CNTNAP5: variants seen among roughly 807,000 people sequenced by gnomAD.
CNTNAP5 encodes the protein contactin associated protein family member 5.
CNTNAP5 carries 72 observed loss-of-function variants against 150.2 expected under a neutral mutation model. The observed-to-expected ratio is 0.48, with a 90% confidence interval of 0.40 to 0.58. CNTNAP5 has a LOEUF of 0.58. CNTNAP5 is among the 20% of genes least tolerant of loss of function. The pLI is 0.00. For synonymous variants in CNTNAP5, 672 were observed against 619.8 expected, an observed-to-expected ratio of 1.08 and a Z score of -1.25; for missense variants, 1,636 against 1,626.2, an observed-to-expected ratio of 1.01 and a Z score of -0.10.
intron 1 of CNTNAP5, among the ~76,000 whole-genome samples, chr2:124,211,919 C>T (rs181862113): frequency 2.8e-4 from 43 of 152,308 alleles, no homozygotes; most frequent in Non-Finnish European, 5.3e-4. Context: ...CGAGGATTTT[C>T]AGTGTAATTT....
chr2:124,055,256 A>C (rs188839586), intron 1 of CNTNAP5, among the ~76,000 whole-genome samples: 1 of 152,330 alleles, frequency 6.6e-6, no homozygotes, highest in Non-Finnish European at 1.5e-5. Context: ...CAAGAGATAA[A>C]GTCCAACTTC....
In CNTNAP5 at chr2:124,735,606, A is replaced by T. The variant is rs549989369; in HGVS notation, c.2078-11623A>T. Among the ~76,000 whole-genome samples the T allele has an allele frequency of 2.0e-5, 3 of 152,292 alleles. No homozygotes were observed. In the East Asian group the frequency reaches 5.8e-4, roughly 29 times the overall value. On this transcript the variant is annotated intron_variant, in intron 13 of 23. Transcript: ENST00000682447. The stretch of plus-strand genomic sequence containing the variant: ...TTTGATTTATACTATTTTAATATTG[A>T]TTCAAGAACAAGTGCTGTGAAAATA...
intron 13 of CNTNAP5, among the ~76,000 whole-genome samples, chr2:124,743,543 G>T (rs998058233): frequency 6.6e-6 from 1 of 152,112 alleles, no homozygotes; most frequent in African/African-American, 2.4e-5. Context: ...GGAGACAGGG[G>T]TTGCAGCTCA....
intron 1 of CNTNAP5, among the ~76,000 whole-genome samples, chr2:124,043,019 A>G (rs1408673052): frequency 6.6e-6 from 1 of 152,200 alleles, no homozygotes; most frequent in Non-Finnish European, 1.5e-5. Context: ...CTCCAGTCCA[A>G]TATTCAATTT....
intron 13 of CNTNAP5, among the ~76,000 whole-genome samples, chr2:124,715,506 G>T (rs1244813664): frequency 6.6e-6 from 1 of 152,034 alleles, no homozygotes; most frequent in Non-Finnish European, 1.5e-5. Context: ...AAAAAGGAGG[G>T]TGGAATTTTT....
intron 4 of CNTNAP5, among the ~76,000 whole-genome samples, chr2:124,431,075 A>G (rs1160950376): frequency 6.6e-6 from 1 of 152,174 alleles, no homozygotes; most frequent in African/African-American, 2.4e-5. Flanking sequence ...CCCAGGTAGT[A>G]AGGAGTAAAA....
intron 13 of CNTNAP5, among the ~76,000 whole-genome samples, chr2:124,708,090 T>C (rs1295603744): frequency 6.6e-6 from 1 of 152,224 alleles, no homozygotes; most frequent in Non-Finnish European, 1.5e-5. Context: ...ACTAGGCTTA[T>C]GATGTTCTTT....
In CNTNAP5 at chr2:124,609,925, G is replaced by T; in HGVS notation, c.1876+5G>T. The stretch of plus-strand genomic sequence containing the variant: ...AGGTGTACTGCAATATCACTGGTAA[G>T]GGTGCAGTAGCCCTACTCACACTTA... On this transcript the variant is annotated splice_donor_5th_base_variant and intron_variant, in intron 12 of 23. Transcript: ENST00000682447. 1 of 1,612,086 alleles carries T rather than the reference G, an allele frequency of 6.2e-7. No homozygotes were observed. The highest frequency in any genetic ancestry group is 8.5e-7 in the Non-Finnish European group (1 of 1,178,480).
rs551516030 is a variant in CNTNAP5 at position 124,868,351 on chromosome 2, G to A, written c.3349-1324G>A. Among the ~76,000 whole-genome samples, 139 of 152,096 alleles carry A rather than the reference G, an allele frequency of 9.1e-4. 1 individual carries two copies. Among genetic ancestry groups the A allele is most frequent in the African/African-American group, 3.3e-3 (136 of 41,500 alleles). ...CTTCTCTAACCTCATCTGATTATAT[G>A]CCCTCTGGAACTCTAGTTGTGCCAC... On this transcript the variant is annotated intron_variant, in intron 20 of 23. Transcript: ENST00000682447.
chr2:124,159,977 T>G (rs1227784775), intron 1 of CNTNAP5, among the ~76,000 whole-genome samples: 1 of 152,200 alleles, frequency 6.6e-6, no homozygotes, highest in Non-Finnish European at 1.5e-5. Context: ...TTACAGATAT[T>G]GTTTATCCTT....
At chr2:124,069,535 G>T (rs1682248441) in intron 1 of CNTNAP5, among the ~76,000 whole-genome samples, 1 of 152,038 alleles carries the variant, frequency 6.6e-6, no homozygotes, top group African/African-American at 2.4e-5. Flanking sequence ...GGACTCAAGT[G>T]AGACCCAGTG....
intron 10 of CNTNAP5, among the ~76,000 whole-genome samples, chr2:124,540,500 C>T (rs756027028): frequency 6.6e-6 from 1 of 152,152 alleles, no homozygotes; most frequent in African/African-American, 2.4e-5. Context: ...TCCTCTGTGA[C>T]CTAGTCATTC....
intron 10 of CNTNAP5, among the ~76,000 whole-genome samples, chr2:124,561,734 G>A (rs777894189): frequency 3.9e-4 from 60 of 152,162 alleles, no homozygotes; most frequent in Admixed American, 2.4e-3. Flanking sequence ...CTGAACATAT[G>A]CAGGAATATT....
chr2:124,148,525 CATATTATATATATACATATT>C (rs1684314881), intron 1 of CNTNAP5, among the ~76,000 whole-genome samples: 1 of 144,578 alleles, frequency 6.9e-6, no homozygotes, highest in African/African-American at 2.5e-5. Context: ...ATAATATATA[CATATTATATATATACATATT>C]ATATATAATA....
chr2:124,074,974 G>T (rs1483793752), intron 1 of CNTNAP5, among the ~76,000 whole-genome samples: 1 of 152,088 alleles, frequency 6.6e-6, no homozygotes. Context: ...CCTTGTGTCT[G>T]TGAAAGCTGA....
intron 13 of CNTNAP5, among the ~76,000 whole-genome samples, chr2:124,741,150 A>G (rs1031289016): frequency 1.3e-5 from 2 of 152,218 alleles, no homozygotes; most frequent in Admixed American, 1.3e-4. Flanking sequence ...AGTTTGCCAG[A>G]ATCTAAGGCT....
intron 21 of CNTNAP5, among the ~76,000 whole-genome samples, chr2:124,877,244 A>G (rs1470328966): frequency 1.3e-5 from 2 of 152,124 alleles, no homozygotes; most frequent in African/African-American, 4.8e-5. Flanking sequence ...GTTTTTTCTA[A>G]GAGTGAAACC....
chr2:124,583,961 T>C (rs1371665405), intron 11 of CNTNAP5, among the ~76,000 whole-genome samples: 2 of 152,174 alleles, frequency 1.3e-5, no homozygotes, highest in African/African-American at 4.8e-5. Context: ...TGGGTTTCAA[T>C]TTAACCTAGC....
At chr2:124,180,122 T>C (rs1024988924) in intron 1 of CNTNAP5, among the ~76,000 whole-genome samples, 2 of 152,216 alleles carry the variant, frequency 1.3e-5, no homozygotes. Context: ...TTCATGAAAG[T>C]GTTTTCTGGT....
Sources: gnomAD v4.1 joint callset for allele counts (sites outside exome capture counted in the v4.1 genomes callset) on GRCh38, gnomAD v4.1.1 for gene constraint, MANE v1.5 for transcripts, NCBI Gene and HGNC (gene_info 2026-07-23, HGNC 2026-07-21) for gene names.